Variants in ZSCAN5A observed in about 807,000 individuals in gnomAD.
ZSCAN5A encodes zinc finger and SCAN domain containing 5A, also known as zinc finger and SCAN domain-containing protein 5A.
ZSCAN5A carries 12 observed loss-of-function variants against 23.7 expected under a neutral mutation model. The observed-to-expected ratio is 0.51, with a 90% CI of 0.32 to 0.82. The LOEUF (loss-of-function observed/expected upper bound fraction) is 0.82, where lower values mean the gene tolerates loss of function less well. Among genes scored for constraint, ZSCAN5A ranks in the 40% least tolerant of loss-of-function variants. The pLI is 0.03. For missense variants in ZSCAN5A, 597 were observed against 617.9 expected (o/e 0.97, Z 0.36); for synonymous variants, 257 against 239.9 (o/e 1.07, Z -0.66).
At chr19:56,318,845 C>T (rs1431338152), upstream of ZSCAN5A, among the ~76,000 whole-genome samples, 1 of 152,106 alleles carries the variant, frequency 6.6e-6, no homozygotes, top group Non-Finnish European at 1.5e-5. Flanking sequence ...TGATTGAAAG[C>T]AGGAATATTG....
intron 2 of ZSCAN5A, among the ~76,000 whole-genome samples, chr19:56,257,348 G>C (rs2036777176): frequency 6.6e-6 from 1 of 152,178 alleles, no homozygotes; most frequent in Non-Finnish European, 1.5e-5. Context: ...ATGAACCCAA[G>C]GGCTGATCTC....
chr19:56,233,150 T>C (rs2034604287), intron 2 of ZSCAN5A, among the ~76,000 whole-genome samples: 1 of 152,170 alleles, frequency 6.6e-6, no homozygotes, highest in Non-Finnish European at 1.5e-5. Flanking sequence ...CTCAACACTA[T>C]TCAATGACTC....
rs368859861 is a variant in ZSCAN5A at position 56,338,087 on chromosome 19, A to G, written c.-357-21819T>C. Reference sequence around the variant, plus strand: ...AATTGTGACAACTCAATACCTTCCAATGAGCCCAGAATCTTCTTATTCACT... The same window carrying G: ...AATTGTGACAACTCAATACCTTCCAGTGAGCCCAGAATCTTCTTATTCACT... On this transcript the variant is annotated intron_variant, in intron 2 of 6. Transcript: ENST00000587340. Among the ~76,000 whole-genome samples, 27 of 152,310 alleles carry G rather than the reference A, an allele frequency of 1.8e-4. 1 individual carries two copies. The highest frequency in any genetic ancestry group is 6.0e-4 in the African/African-American group (25 of 41,578).
intron 2 of ZSCAN5A, among the ~76,000 whole-genome samples, chr19:56,333,693 T>C (rs1034473664): frequency 9.2e-5 from 14 of 152,096 alleles, no homozygotes; most frequent in African/African-American, 2.9e-4. Context: ...CCATCTCTTA[T>C]TCATGCATGC....
Position 56,228,337 on chromosome 19 carries a change from G to C in ZSCAN5A, c.-127-3164C>G, listed in dbSNP as rs140186666. On this transcript the variant is annotated intron_variant, in intron 2 of 5. Transcript: ENST00000683990. ...GAGCTGAACTGCGTCTATTTATGGA[G>C]AAGCGGGACTCCAGGCCGCGTTTCC... 3.8e-5 allele frequency: 37 copies of C among 985,330 alleles called. 1 individual carries two copies. The East Asian group carries it at 4.0e-3, about 106-fold the overall frequency. 61.0% of individuals were successfully genotyped at this position (985,330 alleles called of 1,614,324 possible). A position where few individuals can be genotyped will look rare whatever the true frequency, so the allele number is the denominator to read the frequency against.
intron 2 of ZSCAN5A, among the ~76,000 whole-genome samples, chr19:56,276,960 T>C (rs1478100470): frequency 6.6e-6 from 1 of 152,114 alleles, no homozygotes; most frequent in African/African-American, 2.4e-5. Flanking sequence ...AAAAACTATT[T>C]CTATTTACAA....
chr19:56,222,392 A>T (rs2033347335), intron 5 of ZSCAN5A, 66 bp from the exon 6 acceptor site: 1 of 1,583,700 alleles, frequency 6.3e-7, no homozygotes, highest in Non-Finnish European at 8.6e-7. Flanking sequence ...ACTCATTGCA[A>T]CCAAACACTG....
chr19:56,226,639 T>A (rs529914433), intron 2 of ZSCAN5A, among the ~76,000 whole-genome samples: 1 of 152,268 alleles, frequency 6.6e-6, no homozygotes, highest in African/African-American at 2.4e-5. Flanking sequence ...GCAGCCGATA[T>A]GGGAGACAGT....
intron 2 of ZSCAN5A, among the ~76,000 whole-genome samples, chr19:56,260,082 A>G (rs1201460692): frequency 1.3e-5 from 2 of 152,182 alleles, no homozygotes; most frequent in African/African-American, 4.8e-5. Context: ...AACACCACTA[A>G]CTTCAGGTTT....
At chr19:56,222,839 A>G in intron 4 of ZSCAN5A, 98 bp from the exon 5 acceptor site, 1 of 1,545,638 alleles carries the variant, frequency 6.5e-7, no homozygotes, top group Non-Finnish European at 8.9e-7. Context: ...AACTCTTCTA[A>G]TGACACAGGT....
chr19:56,277,689 A>C (rs1005757279), intron 2 of ZSCAN5A, among the ~76,000 whole-genome samples: 7 of 152,198 alleles, frequency 4.6e-5, no homozygotes, highest in Non-Finnish European at 8.8e-5. Context: ...ATTATATCTC[A>C]GTAAAGCTAT....
intron 2 of ZSCAN5A, chr19:56,282,451 A>G (rs1406289974): frequency 3.0e-6 from 3 of 983,956 alleles, no homozygotes. Flanking sequence ...CCCACTGGCT[A>G]CCATCGGTCC....
At chr19:56,344,760 G>A (rs1391141565) in intron 2 of ZSCAN5A, among the ~76,000 whole-genome samples, 43 of 150,464 alleles carry the variant, frequency 2.9e-4, no homozygotes, top group African/African-American at 9.0e-4. Context: ...AAAATTAGCC[G>A]GGCGCGGTGG....
At chr19:56,325,939 G>T (rs926094592) in intron 2 of ZSCAN5A, among the ~76,000 whole-genome samples, 51 of 146,746 alleles carry the variant, frequency 3.5e-4, no homozygotes, top group African/African-American at 1.0e-3. Flanking sequence ...ATATATTGTG[G>T]TTTTTTTTTT....
chr19:56,367,177 T>C (rs1373686989), intron 1 of ZSCAN5A: 2 of 151,928 alleles, frequency 1.3e-5, no homozygotes, highest in Non-Finnish European at 2.9e-5. Flanking sequence ...CTGGGTAACA[T>C]AGTGAGATCT....
Position 56,299,380 on chromosome 19 carries a change from G to C in ZSCAN5A, c.-128+13903C>G, listed in dbSNP as rs1034918401. ...ATTCCTGGGCCCAAGTGAGCCTCCCGCCTCAGATTCCCAAAGTGCTGGAAT... is the reference window on the plus strand; with the variant it reads ...ATTCCTGGGCCCAAGTGAGCCTCCCCCCTCAGATTCCCAAAGTGCTGGAAT... On this transcript the variant is annotated intron_variant, in intron 2 of 5. Transcript: ENST00000683990. Among the ~76,000 whole-genome samples, 2 of 151,468 alleles carry C rather than the reference G, an allele frequency of 1.3e-5. 1 individual carries two copies. The highest frequency in any genetic ancestry group is 4.9e-5 in the African/African-American group (2 of 41,166).
intron 2 of ZSCAN5A, among the ~76,000 whole-genome samples, chr19:56,289,983 T>C (rs1406876460): frequency 3.3e-5 from 5 of 152,334 alleles, no homozygotes; most frequent in African/African-American, 1.2e-4. Context: ...AGAAAACGAA[T>C]ACTGGAGAAC....
chr19:56,304,254 C>T (rs118153660), intron 2 of ZSCAN5A, among the ~76,000 whole-genome samples: 10 of 152,272 alleles, frequency 6.6e-5, no homozygotes, highest in African/African-American at 1.7e-4. Context: ...ACTGCTTATG[C>T]GCTGGGTGTG....
intron 2 of ZSCAN5A, among the ~76,000 whole-genome samples, chr19:56,281,498 T>G (rs944438303): frequency 7.9e-5 from 12 of 152,316 alleles, no homozygotes; most frequent in Admixed American, 2.6e-4. Context: ...CAAATTTATG[T>G]GACAAACTAC....
Sources: gnomAD v4.1 joint callset for allele counts (sites outside exome capture counted in the v4.1 genomes callset) on GRCh38, gnomAD v4.1.1 for gene constraint, MANE v1.5 for transcripts, NCBI Gene and HGNC (gene_info 2026-07-23, HGNC 2026-07-21) for gene names.